Variants in KCTD8 observed in about 807,000 individuals in gnomAD.
The protein encoded by KCTD8 is BTB/POZ domain-containing protein KCTD8.
KCTD8 carries 27 observed loss-of-function variants against 31.5 expected under a neutral mutation model. The ratio of observed to expected loss-of-function variants is 0.86; its 90% CI spans 0.63 to 1.18. KCTD8 has a LOEUF of 1.18. Ranked by LOEUF, KCTD8 falls within the 50% of genes most tolerant of loss-of-function variation. The probability of loss-of-function intolerance (pLI) is 0.00; values close to 1 mark genes in which losing one functional copy is unlikely to be tolerated. For missense variants in KCTD8, 658 were observed against 647.7 expected, an observed-to-expected ratio of 1.02 and a Z score of -0.17; for synonymous variants, 290 against 280.0, an observed-to-expected ratio of 1.04 and a Z score of -0.36.
intron 1 of KCTD8, among the ~76,000 whole-genome samples, chr4:44,366,711 T>C (rs189553235): frequency 1.2e-4 from 18 of 152,294 alleles, no homozygotes; most frequent in Non-Finnish European, 5.9e-5. Flanking sequence ...CAGTTCCTTG[T>C]AGTAGGATTT....
intron 1 of KCTD8, among the ~76,000 whole-genome samples, chr4:44,325,072 G>A (rs890695443): frequency 1.1e-4 from 16 of 151,946 alleles, no homozygotes; most frequent in Admixed American, 8.5e-4. Context: ...GAATTTCTAC[G>A]TGTTGCTTAA....
chr4:44,225,859 C>A (rs1714944993), intron 1 of KCTD8, among the ~76,000 whole-genome samples: 1 of 130,620 alleles, frequency 7.7e-6, no homozygotes, highest in Non-Finnish European at 1.5e-5. Context: ...CTTGCTCTGT[C>A]GCCCAGGCTG....
chr4:44,354,737 T>C lies in KCTD8; in HGVS notation c.961+92826A>G, dbSNP rs186468981. Among the ~76,000 whole-genome samples, 10 of 152,266 alleles carry C rather than the reference T, an allele frequency of 6.6e-5. No homozygotes were observed. The East Asian group carries it at 1.4e-3, about 21-fold the overall frequency. Reference sequence around the variant, plus strand: ...TGGAGAAACTAAGGCACAGGAATGTTAAATACTTGTAAGCACCATGCTGTG... The same window carrying C: ...TGGAGAAACTAAGGCACAGGAATGTCAAATACTTGTAAGCACCATGCTGTG... On this transcript the variant is annotated intron_variant, in intron 1 of 1. Transcript: ENST00000360029.
chr4:44,326,130 G>C (rs1375434462), intron 1 of KCTD8, among the ~76,000 whole-genome samples: 1 of 151,774 alleles, frequency 6.6e-6, no homozygotes, highest in Non-Finnish European at 1.5e-5. Context: ...TTTTTCATTT[G>C]TTTGTTTTAG....
At chr4:44,396,110 G>C (rs893402590) in intron 1 of KCTD8, among the ~76,000 whole-genome samples, 1 of 152,024 alleles carries the variant, frequency 6.6e-6, no homozygotes, top group Non-Finnish European at 1.5e-5. Flanking sequence ...GGGGTGATGA[G>C]AGACAGTGAC....
At chr4:44,447,403 G>A (rs1721969138) in intron 1 of KCTD8, among the ~76,000 whole-genome samples, 160 bp downstream of exon 1, 1 of 152,182 alleles carries the variant, frequency 6.6e-6, no homozygotes, top group Admixed American at 6.5e-5. Context: ...TGTAAATCGT[G>A]TCTACTGCAT....
At chr4:44,280,796 T>C (rs1469526205) in intron 1 of KCTD8, among the ~76,000 whole-genome samples, 1 of 152,108 alleles carries the variant, frequency 6.6e-6, no homozygotes, top group Non-Finnish European at 1.5e-5. Flanking sequence ...TGAGATGGTA[T>C]TCTTGGTTGT....
intron 1 of KCTD8, among the ~76,000 whole-genome samples, chr4:44,212,653 C>T (rs1714524404): frequency 6.6e-6 from 1 of 152,066 alleles, no homozygotes; most frequent in Non-Finnish European, 1.5e-5. Flanking sequence ...AATTCCAGTG[C>T]TTTCTTTTTA....
At chr4:44,315,901 C>G (rs1718095147) in intron 1 of KCTD8, among the ~76,000 whole-genome samples, 2 of 152,000 alleles carry the variant, frequency 1.3e-5, no homozygotes, top group African/African-American at 4.8e-5. Flanking sequence ...TAAGGTTTTT[C>G]TCTTTAATCT....
At chr4:44,303,530 A>G (rs1288027175) in intron 1 of KCTD8, among the ~76,000 whole-genome samples, 2 of 152,074 alleles carry the variant, frequency 1.3e-5, no homozygotes, top group Admixed American at 1.3e-4. Flanking sequence ...GAACTCTTAA[A>G]TAAGGCCAGG....
At chr4:44,206,655 G>A (rs995598988) in intron 1 of KCTD8, among the ~76,000 whole-genome samples, 1 of 152,108 alleles carries the variant, frequency 6.6e-6, no homozygotes, top group Non-Finnish European at 1.5e-5. Context: ...AAATTCCTAT[G>A]AGTCTCTGCA....
At chr4:44,352,415 GTAAAAAGAGAATAGGACA>G (rs1038357093) in intron 1 of KCTD8, among the ~76,000 whole-genome samples, 7 of 149,768 alleles carry the variant, frequency 4.7e-5, no homozygotes, top group South Asian at 2.1e-4. Context: ...TAGAAATAGA[GTAAAAAGAGAATAGGACA>G]TAAAAAGAGA....
intron 1 of KCTD8, among the ~76,000 whole-genome samples, chr4:44,249,468 T>C (rs1309741585): frequency 6.6e-6 from 1 of 151,752 alleles, no homozygotes; most frequent in Non-Finnish European, 1.5e-5. Context: ...AAGAGTGAAA[T>C]AATAAATAAT....
chr4:44,334,265 C>A (rs1417458088), intron 1 of KCTD8, among the ~76,000 whole-genome samples: 13 of 152,072 alleles, frequency 8.5e-5, no homozygotes, highest in Admixed American at 8.5e-4. Flanking sequence ...GGATAAAATT[C>A]TCTTCATTGT....
At chr4:44,415,672 T>G (rs1721062898) in intron 1 of KCTD8, among the ~76,000 whole-genome samples, 1 of 152,178 alleles carries the variant, frequency 6.6e-6, no homozygotes, top group African/African-American at 2.4e-5. Context: ...CTCTGGATAG[T>G]TCAAGCTGCC....
At chr4:44,250,483 A>G (rs1577575184) in intron 1 of KCTD8, among the ~76,000 whole-genome samples, 1 of 151,896 alleles carries the variant, frequency 6.6e-6, no homozygotes, top group East Asian at 1.9e-4. Flanking sequence ...TACAGGTGAA[A>G]GAGCAGACCC....
At chr4:44,265,558 G>A (rs892771428) in intron 1 of KCTD8, among the ~76,000 whole-genome samples, 1 of 152,232 alleles carries the variant, frequency 6.6e-6, no homozygotes, top group Non-Finnish European at 1.5e-5. Context: ...ACTTTGACGA[G>A]TTGAGAGAAG....
At chr4:44,398,501 A>G (rs1720566063) in intron 1 of KCTD8, among the ~76,000 whole-genome samples, 1 of 152,230 alleles carries the variant, frequency 6.6e-6, no homozygotes, top group South Asian at 2.1e-4. Flanking sequence ...CTGTGGATCA[A>G]CTATATTCTA....
At chr4:44,217,804 C>CTT (rs1440618330) in intron 1 of KCTD8, among the ~76,000 whole-genome samples, 2 of 142,302 alleles carry the variant, frequency 1.4e-5, no homozygotes, top group Non-Finnish European at 3.1e-5. Flanking sequence ...GACTCCTGGA[C>CTT]TTATACCAGT....
Sources: gnomAD v4.1 joint callset for allele counts (sites outside exome capture counted in the v4.1 genomes callset) on GRCh38, gnomAD v4.1.1 for gene constraint, MANE v1.5 for transcripts, NCBI Gene and HGNC (gene_info 2026-07-23, HGNC 2026-07-21) for gene names.